Variants in PROSER3 observed in about 807,000 individuals in gnomAD.
PROSER3 encodes proline and serine rich 3, also known as proline and serine-rich protein 3.
In PROSER3, 33 loss-of-function variants were observed where a neutral mutation model predicts 50.2. The ratio of observed to expected loss-of-function variants is 0.66; its 90% confidence interval spans 0.50 to 0.88. The LOEUF (loss-of-function observed/expected upper bound fraction) is 0.88, where lower values mean the gene tolerates loss of function less well. Ranked by LOEUF, PROSER3 falls within the 40% of genes least tolerant of loss-of-function variation. The pLI, the probability that PROSER3 is intolerant of heterozygous loss-of-function variation, is 0.00. For missense variants in PROSER3, 623 were observed against 612.7 expected (o/e 1.02, Z -0.18); for synonymous variants, 266 against 259.3 (o/e 1.03, Z -0.25).
rs1555742234 is a variant in PROSER3, at chr19:35,762,562, A to AG, written c.543+206_543+207insG. The AG allele has an allele frequency of 4.5e-3, 1,819 of 402,136 alleles. 21 individuals are homozygous for AG. Among genetic ancestry groups the AG allele is most frequent in the African/African-American group, 0.024 (1,144 of 47,422 alleles). The allele number at this position is 402,136 out of a possible 1,614,324, so 24.9% of individuals were successfully genotyped here. ...TGCCTCTACTAAAAAAAAAAAAAAAAAGAGAGAGAGAGAGAGAACCAGGTG... is the reference window on the plus strand; with the variant it reads ...TGCCTCTACTAAAAAAAAAAAAAAAAGAGAGAGAGAGAGAGAGAACCAGGTG... On this transcript the variant is annotated intron_variant, in intron 5 of 10. Coordinates refer to ENST00000396908, the Ensembl canonical transcript of PROSER3.
chr19:35,759,687 T>G (rs1970889410), intron 2 of PROSER3, 102 bp from the exon 3 acceptor site: 1 of 1,182,078 alleles, frequency 8.5e-7, no homozygotes, highest in Admixed American at 2.2e-5. Context: ...AGGATGTGTT[T>G]CCTCCCCTCT....
chr19:35,761,386 A>C (rs1029500324), intron 3 of PROSER3, among the ~76,000 whole-genome samples: 1 of 152,002 alleles, frequency 6.6e-6, no homozygotes, highest in African/African-American at 2.4e-5. Flanking sequence ...AAATACAAAA[A>C]TTGGCAGGGC....
intron 5 of PROSER3, 70 bp from the exon 6 acceptor site, chr19:35,764,784 C>A: frequency 7.2e-7 from 1 of 1,382,928 alleles, no homozygotes; most frequent in Non-Finnish European, 1.0e-6. Flanking sequence ...GCATTCCAGG[C>A]CCTCTGTTTA....
rs762299399 is a variant in PROSER3, at chr19:35,767,896, G to C, written c.1050G>C (p.Gln350His). The stretch of plus-strand genomic sequence containing the variant: ...CTCCTTCCCCTGGAGCCTGCCTGCA[G>C]CCCGAGGTCCCACTCTCTCCAGCTG... Residue 350 changes from glutamine to histidine, a missense_variant, in exon 9 of 11, where the codon CAG becomes CAC. By Grantham distance (24) the Gln-to-His change is conservative. Coordinates refer to ENST00000396908, the Ensembl canonical transcript of PROSER3. 18 of 1,612,928 alleles carry C rather than the reference G, an allele frequency of 1.1e-5. No homozygotes were observed. Among genetic ancestry groups the C allele is most frequent in the Non-Finnish European group, 1.5e-5 (18 of 1,179,744 alleles).
At chr19:35,767,350 T>C (rs1044112585) in intron 8 of PROSER3, 3 of 235,848 alleles carry the variant, frequency 1.3e-5, no homozygotes, top group Admixed American at 5.6e-5. Context: ...CGCCCCCGGC[T>C]TCCCTGGCCT....
At chr19:35,768,116 G>A in intron 9 of PROSER3, 39 bp from the exon 10 acceptor site, 1 of 1,602,998 alleles carries the variant, frequency 6.2e-7, no homozygotes, top group Non-Finnish European at 8.5e-7. Context: ...CCCCTAAGAG[G>A]CCGGCCCCTT....
At chr19:35,760,093 CTT>C in intron 3 of PROSER3, 102 bp downstream of exon 3, 2 of 1,236,560 alleles carry the variant, frequency 1.6e-6, no homozygotes, top group South Asian at 1.6e-5. Context: ...CTGCAGCACT[CTT>C]TTAGGACCAG....
At chr19:35,766,842 C>T (rs776395399) in exon 8 of PROSER3, 2 of 1,551,678 alleles carry the variant, frequency 1.3e-6, no homozygotes, top group South Asian at 1.2e-5. Context: ...ACCCCTTCGG[C>T]CAGAGGATGA....
In PROSER3 at chr19:35,759,485, CAA is replaced by C. The variant is rs745657761; in HGVS notation, c.108+17_108+18del. The stretch of plus-strand genomic sequence containing the variant: ...GGTGTCCCAAGGTGAGGACACCCCT[CAA>C]AGAGTGCTGAGTGCCAGCCCAGTAG... On this transcript the variant is annotated intron_variant, in intron 2 of 10. Coordinates refer to ENST00000396908, the Ensembl canonical transcript of PROSER3. 49 of 1,601,472 alleles carry C rather than the reference CAA, an allele frequency of 3.1e-5. No individual in the cohort carries two copies. Among genetic ancestry groups the C allele is most frequent in the Admixed American group, 2.7e-4 (16 of 58,976 alleles).
chr19:35,762,697 G>C, intron 5 of PROSER3: 1 of 171,884 alleles, frequency 5.8e-6, no homozygotes, highest in Non-Finnish European at 1.2e-5. Flanking sequence ...CTGCACTCCA[G>C]CCTGGGCAGT....
downstream of PROSER3, chr19:35,769,374 G>A (rs995627884): frequency 4.8e-5 from 7 of 145,022 alleles, 1 homozygote; most frequent in African/African-American, 1.0e-4. Flanking sequence ...GTGTGATCTC[G>A]GCTCACTGCA....
chr19:35,767,839 A>C, exon 9 of PROSER3: 1 of 1,613,116 alleles, frequency 6.2e-7, no homozygotes, highest in Non-Finnish European at 8.5e-7. Flanking sequence ...TGCCGCCCGC[A>C]GCGGGGTCAG....
chr19:35,767,827 C>G, exon 9 of PROSER3: 1 of 1,613,302 alleles, frequency 6.2e-7, no homozygotes. Flanking sequence ...AAGCCAAGGC[C>G]TTGCCGCCCG....
chr19:35,762,463 C>T (rs1174392121), intron 5 of PROSER3, 107 bp downstream of exon 5: 7 of 1,074,280 alleles, frequency 6.5e-6, no homozygotes, highest in Middle Eastern at 4.2e-4. Flanking sequence ...AATCCCAGCA[C>T]TTTGGGAGGC....
At chr19:35,759,543 C>A in intron 2 of PROSER3, 73 bp downstream of exon 2, 2 of 1,360,244 alleles carry the variant, frequency 1.5e-6, no homozygotes, top group Non-Finnish European at 2.1e-6. Flanking sequence ...GGTAGGAAGA[C>A]ATGTGATGAG....
Position 35,762,289 on chromosome 19 carries a change from CTG to C in PROSER3, c.478_479del (p.Val160ProfsTer74). On this transcript the variant is annotated frameshift_variant, in exon 5 of 11. Transcript: ENST00000396908. LOFTEE classifies it high-confidence loss of function. Reference sequence around the variant, plus strand: ...AAACCAGAAGGAAGACCCCATACAGCTGTCCCTACTGCGGTCAACGTGACCAG... The same window carrying C: ...AAACCAGAAGGAAGACCCCATACAGCTCCCTACTGCGGTCAACGTGACCAG... 6.2e-7 allele frequency: 1 copy of C among 1,612,256 alleles called. No homozygotes were observed. The highest frequency in any genetic ancestry group is 8.5e-7 in the Non-Finnish European group (1 of 1,179,060).
chr19:35,768,627 T>C, exon 11 of PROSER3: 1 of 1,484,760 alleles, frequency 6.7e-7, no homozygotes, highest in Non-Finnish European at 8.9e-7. Flanking sequence ...AAAGGGGTTG[T>C]TTGGAAAGGC....
chr19:35,768,121 C>A (rs1249441770), intron 9 of PROSER3, 34 bp from the exon 10 acceptor site: 1 of 1,605,426 alleles, frequency 6.2e-7, no homozygotes, highest in Non-Finnish European at 8.5e-7. Context: ...AAGAGGCCGG[C>A]CCCTTGGAGC....
chr19:35,758,490 A>T lies in PROSER3; in HGVS notation c.11+264A>T, dbSNP rs576588823. On this transcript the variant is annotated intron_variant, in intron 1 of 10. Coordinates refer to ENST00000396908, the Ensembl canonical transcript of PROSER3. ...TAAAGGTGTCCAAGAAAGGCTTGAG[A>T]TCTGAATTTCTTCATTTTGAAATGG... is the stretch of plus-strand genomic sequence containing the variant. 6 of 404,616 alleles carry T rather than the reference A, an allele frequency of 1.5e-5. No homozygotes were observed. In the South Asian group the frequency reaches 4.8e-4, roughly 33 times the overall value. 25.1% of individuals were successfully genotyped at this position (404,616 alleles called of 1,614,324 possible).
Sources: gnomAD v4.1 joint callset for allele counts (sites outside exome capture counted in the v4.1 genomes callset) on GRCh38, gnomAD v4.1.1 for gene constraint, MANE v1.5 for transcripts, NCBI Gene and HGNC (gene_info 2026-07-23, HGNC 2026-07-21) for gene names.